The following RIMS3 variants were observed in gnomAD, a reference collection of about 807,000 sequenced individuals.
RIMS3 encodes regulating synaptic membrane exocytosis protein 3.
Under a neutral mutation model 29.2 loss-of-function variants are expected in RIMS3, and 15 were observed. The ratio of observed to expected loss-of-function variants is 0.51; its 90% CI spans 0.34 to 0.79. The LOEUF (loss-of-function observed/expected upper bound fraction) is 0.79, where lower values mean the gene tolerates loss of function less well. Among genes scored for constraint, RIMS3 ranks in the 30% least tolerant of loss-of-function variants. The pLI is 0.01. For missense variants in RIMS3, 342 were observed against 421.4 expected, an observed-to-expected ratio of 0.81 and a Z score of 1.65; for synonymous variants, 161 against 170.1, an observed-to-expected ratio of 0.95 and a Z score of 0.41.
At chr1:40,660,008 A>C (rs1642328897) in intron 1 of RIMS3, among the ~76,000 whole-genome samples, 1 of 152,220 alleles carries the variant, frequency 6.6e-6, no homozygotes, top group Admixed American at 6.5e-5. Context: ...CGGGGCAAGA[A>C]CAAATGTCAG....
At chr1:40,686,023 C>T in the RIMS3 span, among the ~76,000 whole-genome samples, 1 of 152,060 alleles carries the variant, frequency 6.6e-6, no homozygotes, top group African/African-American at 2.4e-5. Flanking sequence ...GTGGTGGGCA[C>T]CTGTAATCCC....
At chr1:40,674,629 G>A in the RIMS3 span, among the ~76,000 whole-genome samples, 18,661 of 152,080 alleles carry the variant, frequency 0.12, 1,264 homozygotes, top group African/African-American at 0.15. Flanking sequence ...AATTAATGAC[G>A]ATATTGAGGG....
chr1:40,641,993 G>T, intron 2 of RIMS3, 37 bp from the exon 3 acceptor site: 1 of 1,332,272 alleles, frequency 7.5e-7, no homozygotes, highest in Non-Finnish European at 1.1e-6. Flanking sequence ...TCCCACATCA[G>T]ACCTGGATGA....
rs375181254 is a variant in RIMS3 at position 40,629,392 on chromosome 1, G to A, written c.473-20C>T. ...CATCTCCTGAAAGGAAGAAGAGGGTGAGTCCAGGCAGGGCCAGACCAAGGG... is the reference window on the plus strand; with the variant it reads ...CATCTCCTGAAAGGAAGAAGAGGGTAAGTCCAGGCAGGGCCAGACCAAGGG... On this transcript the variant is annotated intron_variant, in intron 5 of 7. Coordinates refer to ENST00000372684, the MANE Select transcript of RIMS3 (RefSeq NM_014747.3). 7 of 1,606,290 alleles carry A rather than the reference G, an allele frequency of 4.4e-6. No homozygotes were observed. In the African/African-American group the frequency reaches 8.0e-5, roughly 18 times the overall value.
At chr1:40,679,888 G>T in the RIMS3 span, among the ~76,000 whole-genome samples, 1 of 151,034 alleles carries the variant, frequency 6.6e-6, no homozygotes, top group Non-Finnish European at 1.5e-5. Flanking sequence ...TGGATGACTA[G>T]AATTTTTTTT....
Position 40,622,132 on chromosome 1 carries a change from TC to T in RIMS3, c.*4384del, listed in dbSNP as rs1646424888. On this transcript the variant is annotated 3_prime_UTR_variant, in exon 8 of 8. Coordinates refer to ENST00000372684, the MANE Select transcript of RIMS3 (RefSeq NM_014747.3). Reference sequence around the variant, plus strand: ...TTAAGCCCTTTATCAGAGAACAAGGTCCCACCATCGGGCATGCCAACATCTG... The same window carrying T: ...TTAAGCCCTTTATCAGAGAACAAGGTCCACCATCGGGCATGCCAACATCTG... The T allele has an allele frequency of 6.6e-6, 1 of 152,534 alleles. No homozygotes were observed. Among genetic ancestry groups the T allele is most frequent in the Admixed American group, 6.6e-5 (1 of 15,262 alleles). The allele number at this position is 152,534 out of a possible 1,614,324, so 9.4% of individuals were successfully genotyped here.
At chr1:40,667,980 C>T (rs1391937848), upstream of RIMS3, among the ~76,000 whole-genome samples, 4 of 152,048 alleles carry the variant, frequency 2.6e-5, no homozygotes, top group South Asian at 4.1e-4. Context: ...TGGCCGGGGG[C>T]GGTGGCTCAC....
At chr1:40,685,768 G>A in the RIMS3 span, among the ~76,000 whole-genome samples, 1 of 151,938 alleles carries the variant, frequency 6.6e-6, no homozygotes, top group Non-Finnish European at 1.5e-5. Context: ...GATCTGAGAA[G>A]CACATTCTCA....
rs1570170292 is a variant in RIMS3 at position 40,629,327 on chromosome 1, A to G, written c.518T>C (p.Val173Ala). 1.2e-6 allele frequency: 2 copies of G among 1,613,252 alleles called. No homozygotes were observed. Among genetic ancestry groups the G allele is most frequent in the Non-Finnish European group, 1.7e-6 (2 of 1,179,840 alleles). Reference protein sequence around the residue: ...AIMDRSGQLEVEVIEARGLTP... With the variant: ...AIMDRSGQLEAEVIEARGLTP... ...CAGGCCCCGAGCTTCAATCACTTCC[A>G]CCTCCAGCTGGCCACTCCGGTCCAT... Residue 173 changes from valine to alanine, a missense_variant, in exon 6 of 8, where the codon GTG (valine) becomes GCG (alanine). Physicochemically the swap from Val to Ala is moderately conservative, Grantham distance 64 (BLOSUM62 0). Transcript: ENST00000372684.
chr1:40,664,466 AG>A (rs1181656421), intron 1 of RIMS3, among the ~76,000 whole-genome samples: 1 of 152,192 alleles, frequency 6.6e-6, no homozygotes, highest in East Asian at 1.9e-4. Flanking sequence ...TCATGGATAG[AG>A]GACAGGACCA....
At chr1:40,656,332 A>G (rs992689269) in intron 1 of RIMS3, among the ~76,000 whole-genome samples, 1 of 152,252 alleles carries the variant, frequency 6.6e-6, no homozygotes, top group Admixed American at 6.5e-5. Context: ...GAAAGCCAGT[A>G]TCACTTTTAA....
At chr1:40,637,497 T>A (rs1285018878) in intron 3 of RIMS3, among the ~76,000 whole-genome samples, 1 of 151,634 alleles carries the variant, frequency 6.6e-6, no homozygotes, top group Non-Finnish European at 1.5e-5. Context: ...GTCTCTCTCA[T>A]ACACACACAC....
the RIMS3 span, among the ~76,000 whole-genome samples, chr1:40,676,018 C>G: frequency 6.6e-6 from 1 of 152,060 alleles, no homozygotes; most frequent in African/African-American, 2.4e-5. Flanking sequence ...AAGGCAGAAG[C>G]CTGACTGTAG....
chr1:40,665,826 TG>T (rs773598273), upstream of RIMS3, among the ~76,000 whole-genome samples: 2 of 152,106 alleles, frequency 1.3e-5, no homozygotes, highest in Non-Finnish European at 2.9e-5. Flanking sequence ...GGGTTGTGGT[TG>T]GGGGACCTAC....
At position 40,654,181 on chromosome 1, in the gene RIMS3, C is replaced by G. The variant is rs1642237533; in HGVS notation, c.-206-6339G>C. On this transcript the variant is annotated intron_variant, in intron 1 of 7. Coordinates refer to ENST00000372684, the MANE Select transcript of RIMS3 (RefSeq NM_014747.3). This position sits in a 1 kb window ranked among gnomAD's most constrained non-coding sequence, Gnocchi z 5.3. ...CCCCTCCCCCTCCCCGCCCCTCCCC[C>G]GCGCCGCTGACGAGGCCGGATCAAT... Among the ~76,000 whole-genome samples the G allele has an allele frequency of 1.3e-5, 2 of 152,024 alleles. No individual in the cohort carries two copies. Among genetic ancestry groups the G allele is most frequent in the South Asian group, 4.2e-4 (2 of 4,812 alleles).
At chr1:40,627,419 G>A (rs1646461800) in intron 7 of RIMS3, among the ~76,000 whole-genome samples, 1 of 151,978 alleles carries the variant, frequency 6.6e-6, no homozygotes, top group African/African-American at 2.4e-5. Context: ...TAGTAGAGAC[G>A]GGGTTTCACC....
At chr1:40,641,039 T>G (rs1646552419) in intron 3 of RIMS3, among the ~76,000 whole-genome samples, 1 of 152,242 alleles carries the variant, frequency 6.6e-6, no homozygotes, top group Non-Finnish European at 1.5e-5. Flanking sequence ...CATCTTTGTG[T>G]GTGTCTCCCT....
In RIMS3 at chr1:40,629,267, T is replaced by C. The variant is rs1484788769; in HGVS notation, c.574+4A>G. 1 of 1,613,128 alleles carries C rather than the reference T, an allele frequency of 6.2e-7. No homozygotes were observed. The highest frequency in any genetic ancestry group is 8.5e-7 in the Non-Finnish European group (1 of 1,179,182). On this transcript the variant is annotated splice_donor_region_variant and intron_variant, in intron 6 of 7. Transcript: ENST00000372684. ...GTCAGGACCCCATTTCCAAAATCCC[T>C]CACCTGGGAGGGATTTGGAGCCTGG...
chr1:40,680,125 G>A, the RIMS3 span, among the ~76,000 whole-genome samples: 7 of 151,842 alleles, frequency 4.6e-5, no homozygotes, highest in Middle Eastern at 3.4e-3. Context: ...GTGAGACCCT[G>A]TCTCATAAAA....
Sources: allele counts gnomAD v4.1 joint callset (sites outside exome capture counted in the v4.1 genomes callset), GRCh38; gene constraint gnomAD v4.1.1; non-coding constraint Gnocchi (gnomAD v3.1); transcripts MANE v1.5; gene names NCBI Gene and HGNC (gene_info 2026-07-23, HGNC 2026-07-21).